ALOX5: variants seen among roughly 807,000 people sequenced by gnomAD.
ALOX5 encodes the protein polyunsaturated fatty acid 5-lipoxygenase.
In ALOX5, 64 loss-of-function variants were observed where a neutral mutation model predicts 87.9. The observed-to-expected ratio is 0.73, with a 90% CI of 0.60 to 0.90. ALOX5 has a LOEUF of 0.90. Among genes scored for constraint, ALOX5 ranks in the 40% least tolerant of loss-of-function variants. ALOX5 has a pLI of 0.00. For missense variants in ALOX5, 822 were observed against 907.5 expected, an observed-to-expected ratio of 0.91 and a Z score of 1.21; for synonymous variants, 388 against 355.1, an observed-to-expected ratio of 1.09 and a Z score of -1.04.
At chr10:45,402,951 C>T (rs963706562) in intron 3 of ALOX5, among the ~76,000 whole-genome samples, 1 of 152,192 alleles carries the variant, frequency 6.6e-6, no homozygotes, top group Admixed American at 6.5e-5. Flanking sequence ...GCTACTACCA[C>T]ACATATGCCC....
chr10:45,443,662 G>A, intron 11 of ALOX5, 66 bp from the exon 12 acceptor site: 4 of 1,590,526 alleles, frequency 2.5e-6, no homozygotes, highest in Non-Finnish European at 2.6e-6. Context: ...ATCCGGGCAC[G>A]GGGTGGGCGC....
At chr10:45,433,504 A>G (rs185805402) in intron 7 of ALOX5, among the ~76,000 whole-genome samples, 1 of 152,312 alleles carries the variant, frequency 6.6e-6, no homozygotes, top group Admixed American at 6.5e-5. Context: ...AAAAAGGAGA[A>G]TTGGGCAGCT....
intron 4 of ALOX5, among the ~76,000 whole-genome samples, chr10:45,418,089 C>A (rs1351533836): frequency 1.3e-5 from 2 of 152,258 alleles, no homozygotes; most frequent in African/African-American, 4.8e-5. Context: ...CCTGGCCCAG[C>A]AGGCTGGACA....
intron 2 of ALOX5, among the ~76,000 whole-genome samples, chr10:45,393,828 C>T (rs1326676315): frequency 1.3e-5 from 2 of 152,110 alleles, no homozygotes; most frequent in Non-Finnish European, 2.9e-5. Flanking sequence ...AACAGAGAGC[C>T]AAATCAGGAG....
chr10:45,429,327 T>G (rs1001821635), intron 7 of ALOX5, among the ~76,000 whole-genome samples: 1 of 152,174 alleles, frequency 6.6e-6, no homozygotes, highest in African/African-American at 2.4e-5. Context: ...AGGCCAGGAC[T>G]GGACTGGGCA....
chr10:45,419,962 C>T (rs1841445466), intron 4 of ALOX5, among the ~76,000 whole-genome samples: 1 of 152,120 alleles, frequency 6.6e-6, no homozygotes, highest in South Asian at 2.1e-4. Flanking sequence ...GCCTGCTGGC[C>T]TGGCACTGGA....
intron 3 of ALOX5, 31 bp downstream of exon 3, chr10:45,395,967 G>A (rs750807533): frequency 1.8e-5 from 29 of 1,599,760 alleles, no homozygotes; most frequent in Admixed American, 5.0e-5. Context: ...GAGTGGCCAC[G>A]GGGCCATGGT....
chr10:45,438,461 G>C (rs1420014208), intron 7 of ALOX5, among the ~76,000 whole-genome samples: 8 of 152,146 alleles, frequency 5.3e-5, no homozygotes, highest in African/African-American at 1.4e-4. Context: ...CACACAACAG[G>C]GGGGCTCCTC....
At chr10:45,383,335 T>A (rs1161398125) in intron 2 of ALOX5, among the ~76,000 whole-genome samples, 1 of 152,262 alleles carries the variant, frequency 6.6e-6, no homozygotes, top group East Asian at 1.9e-4. Context: ...GCTGACCTGG[T>A]ACAGAGCATC....
intron 1 of ALOX5, among the ~76,000 whole-genome samples, chr10:45,379,911 C>T (rs1839768752): frequency 6.6e-6 from 1 of 152,222 alleles, no homozygotes; most frequent in Admixed American, 6.5e-5. Flanking sequence ...GCCCTCTCCC[C>T]ACTCCTCGGT....
At chr10:45,389,038 T>A (rs970800519) in intron 2 of ALOX5, among the ~76,000 whole-genome samples, 1 of 152,190 alleles carries the variant, frequency 6.6e-6, no homozygotes, top group Non-Finnish European at 1.5e-5. Context: ...GAGAACTATG[T>A]GACGAATGCA....
At chr10:45,443,377 TGGCTGGGTCGCCCACCCC>T (rs745451578) in intron 10 of ALOX5, 21 bp from the exon 11 acceptor site, 7 of 1,596,384 alleles carry the variant, frequency 4.4e-6, no homozygotes, top group Non-Finnish European at 6.0e-6. Flanking sequence ...TCCGCAGACC[TGGCTGGGTCGCCCACCCC>T]GGCTGCGCCC....
intron 1 of ALOX5, 95 bp from the exon 2 acceptor site, chr10:45,382,388 C>T (rs1329742260): frequency 7.6e-7 from 1 of 1,320,818 alleles, no homozygotes; most frequent in Non-Finnish European, 1.1e-6. Context: ...GTCCCTGTGC[C>T]ACAGCAGCAT....
At chr10:45,422,129 G>GAGACCCCC (rs552141429) in intron 4 of ALOX5, among the ~76,000 whole-genome samples, 263 of 152,244 alleles carry the variant, frequency 1.7e-3, no homozygotes, top group African/African-American at 5.5e-3. Flanking sequence ...GCAGGCAGGA[G>GAGACCCCC]AGACCCCCAG....
At chr10:45,439,234 T>C (rs1842147986) in intron 7 of ALOX5, among the ~76,000 whole-genome samples, 2 of 152,326 alleles carry the variant, frequency 1.3e-5, no homozygotes, top group South Asian at 4.1e-4. Flanking sequence ...GGTAGCATTA[T>C]ATGTCTATTG....
chr10:45,392,023 C>G (rs1193510945), intron 2 of ALOX5, among the ~76,000 whole-genome samples: 1 of 151,298 alleles, frequency 6.6e-6, no homozygotes, highest in Non-Finnish European at 1.5e-5. Flanking sequence ...CCAGCCGCCC[C>G]GTCCGGGAGG....
chr10:45,432,031 G>A, intron 7 of ALOX5, among the ~76,000 whole-genome samples: 1 of 151,552 alleles, frequency 6.6e-6, no homozygotes, highest in Non-Finnish European at 1.5e-5. Context: ...TTCTTGGTGG[G>A]GGTGTGGTGG....
At chr10:45,383,639 C>A (rs558672394) in intron 2 of ALOX5, among the ~76,000 whole-genome samples, 1 of 151,556 alleles carries the variant, frequency 6.6e-6, no homozygotes. Flanking sequence ...ATGACTGTTA[C>A]CCCCATTTTA....
intron 7 of ALOX5, among the ~76,000 whole-genome samples, chr10:45,436,868 AT>A (rs1013244330): frequency 1.6e-4 from 25 of 151,754 alleles, no homozygotes; most frequent in Admixed American, 4.6e-4. Flanking sequence ...ATGTTTTTCC[AT>A]TTTTTTGTGT....
Sources: gnomAD v4.1 joint callset for allele counts (sites outside exome capture counted in the v4.1 genomes callset) on GRCh38, gnomAD v4.1.1 for gene constraint, MANE v1.5 for transcripts, NCBI Gene and HGNC (gene_info 2026-07-23, HGNC 2026-07-21) for gene names.